The following SLC16A5 variants were observed in gnomAD, a reference collection of about 807,000 sequenced individuals.
The protein encoded by SLC16A5 is solute carrier family 16 member 5, also known as monocarboxylate transporter 6.
SLC16A5 carries 29 observed loss-of-function variants against 33.2 expected under a neutral mutation model. The observed-to-expected ratio is 0.87, with a 90% CI of 0.65 to 1.19. The LOEUF (loss-of-function observed/expected upper bound fraction) is 1.19, where lower values mean the gene tolerates loss of function less well. Ranked by LOEUF, SLC16A5 falls within the 50% of genes most tolerant of loss-of-function variation. SLC16A5 has a pLI of 0.00. For missense variants in SLC16A5, 606 were observed against 678.2 expected, an observed-to-expected ratio of 0.89 and a Z score of 1.18; for synonymous variants, 248 against 284.1, an observed-to-expected ratio of 0.87 and a Z score of 1.28.
At chr17:75,097,017 G>T (rs917246486) in intron 3 of SLC16A5, among the ~76,000 whole-genome samples, 1 of 150,484 alleles carries the variant, frequency 6.6e-6, no homozygotes, top group Non-Finnish European at 1.5e-5. Context: ...GTAGAGATGG[G>T]GTTTCACCAT....
In SLC16A5 at chr17:75,104,225, G is replaced by T; in HGVS notation, c.1364+45G>T. 6 of 1,600,808 alleles carry T rather than the reference G, an allele frequency of 3.7e-6. No homozygotes were observed. The African/African-American group carries it at 4.0e-5, about 11-fold the overall frequency. Reference sequence around the variant, plus strand: ...GACCCAGGGTTCATCTGTGTGACCAGTGTCTGAGTCCTGGGATCACTGAGT... The same window carrying T: ...GACCCAGGGTTCATCTGTGTGACCATTGTCTGAGTCCTGGGATCACTGAGT... On this transcript the variant is annotated intron_variant, in intron 6 of 6. Coordinates refer to ENST00000329783, the MANE Select transcript of SLC16A5 (RefSeq NM_004695.4).
chr17:75,106,010 C>T lies in SLC16A5; in HGVS notation c.1495C>T (p.Leu499=), dbSNP rs772708677. The T allele has an allele frequency of 5.7e-6, 9 of 1,590,080 alleles. No individual in the cohort carries two copies. The Admixed American group carries it at 1.2e-4, about 21-fold the overall frequency. The change falls in exon 7 of 7, where the codon CTG becomes TTG. Residue 499 remains leucine (L), a synonymous_variant. Transcript: ENST00000329783. ...GGTACTGCAGGCCAAGCAAACGGCT[C>T]TGGGCTGGAATAGCCCTACCTGAGT... The part of the protein sequence containing the change: ...KAVLQAKQTA[L]GWNSPT
chr17:75,092,159 G>A (rs1422702311), intron 2 of SLC16A5, among the ~76,000 whole-genome samples: 2 of 152,046 alleles, frequency 1.3e-5, no homozygotes, highest in Non-Finnish European at 2.9e-5. Context: ...GTGTCTCTCT[G>A]TGTTTGTGTG....
At chr17:75,101,050 C>T (rs2073792270) in intron 5 of SLC16A5, among the ~76,000 whole-genome samples, 1 of 151,426 alleles carries the variant, frequency 6.6e-6, no homozygotes, top group Non-Finnish European at 1.5e-5. Context: ...AGATCGAGAC[C>T]ATCCTGGCCA....
intron 2 of SLC16A5, chr17:75,093,162 T>G: frequency 2.0e-6 from 1 of 511,336 alleles, no homozygotes; most frequent in Non-Finnish European, 3.5e-6. Context: ...GGCAGGAGGG[T>G]GTATCCTTGG....
rs74966155 is a variant in SLC16A5 at position 75,093,622 on chromosome 17, C to T, written c.-15C>T. ...CACATTGGCAGTGAGGCCGTGGCAGCGTCGGCAGCAGAGGATGCCCCAGGC... is the reference window on the plus strand; with the variant it reads ...CACATTGGCAGTGAGGCCGTGGCAGTGTCGGCAGCAGAGGATGCCCCAGGC... On this transcript the variant is annotated 5_prime_UTR_variant, in exon 3 of 7. Coordinates refer to ENST00000329783, the MANE Select transcript of SLC16A5 (RefSeq NM_004695.4). 1,805 of 1,602,508 alleles carry T rather than the reference C, an allele frequency of 1.1e-3. 37 individuals carry two copies. In the East Asian group the frequency reaches 0.038, roughly 33 times the overall value.
In SLC16A5 at chr17:75,100,280, C is replaced by T. The variant is rs1312980950; in HGVS notation, c.617C>T (p.Pro206Leu). ...CCTGAGACCAAAGAATGTCCCCCGCCACCTCCCGAGACACCTGCACTTGGC... is the reference window on the plus strand; with the variant it reads ...CCTGAGACCAAAGAATGTCCCCCGCTACCTCCCGAGACACCTGCACTTGGC... ...VAPETKECPP[P>L]PPETPALGCL... The change falls in exon 5 of 7, where the codon CCA (proline) becomes CTA (leucine). Residue 206 changes from proline (P) to leucine (L), a missense_variant. Transcript: ENST00000329783. 6.2e-7 allele frequency: 1 copy of T among 1,614,230 alleles called. No individual in the cohort carries two copies. The highest frequency in any genetic ancestry group is 2.2e-5 in the East Asian group (1 of 44,886).
chr17:75,092,050 T>TGTGTGTGTGTGC (rs1555644943), intron 2 of SLC16A5, among the ~76,000 whole-genome samples: 5 of 151,816 alleles, frequency 3.3e-5, no homozygotes, highest in African/African-American at 7.2e-5. Flanking sequence ...TGTGTGTGTG[T>TGTGTGTGTGTGC]GCACGCATGC....
intron 5 of SLC16A5, among the ~76,000 whole-genome samples, chr17:75,102,285 A>G (rs538617020): frequency 2.6e-5 from 4 of 152,270 alleles, no homozygotes; most frequent in African/African-American, 7.2e-5. Context: ...GTGTGCGTCT[A>G]TAATCCCAGT....
At chr17:75,097,674 GA>G (rs562628310) in intron 3 of SLC16A5, among the ~76,000 whole-genome samples, 49 of 152,266 alleles carry the variant, frequency 3.2e-4, no homozygotes, top group African/African-American at 1.2e-3. Context: ...CCCACCAACA[GA>G]CCCCCAGCGA....
At chr17:75,092,716 C>G (rs1568004005) in intron 2 of SLC16A5, among the ~76,000 whole-genome samples, 1 of 151,378 alleles carries the variant, frequency 6.6e-6, no homozygotes, top group African/African-American at 2.4e-5. Context: ...GTGTGTGTCT[C>G]TGTGTGTGTG....
chr17:75,103,079 T>TG (rs1277725624), intron 5 of SLC16A5, among the ~76,000 whole-genome samples: 4 of 152,098 alleles, frequency 2.6e-5, no homozygotes, highest in Non-Finnish European at 4.4e-5. Flanking sequence ...TTAGTAGAGA[T>TG]GGGGTTTCAC....
intron 5 of SLC16A5, 69 bp downstream of exon 5, chr17:75,100,885 C>G: frequency 7.2e-7 from 1 of 1,384,490 alleles, no homozygotes. Flanking sequence ...AGATCTGGGC[C>G]CAGTCCAGCA....
At chr17:75,109,138 T>TTCCTGATAATC (rs1250215071), downstream of SLC16A5, among the ~76,000 whole-genome samples, 5 of 152,246 alleles carry the variant, frequency 3.3e-5, no homozygotes, top group Non-Finnish European at 4.4e-5. The surrounding 1 kb of genome is among the most constrained non-coding windows in gnomAD (Gnocchi z 5.0). Flanking sequence ...ACACACCCGC[T>TTCCTGATAATC]TCCTGATAAT....
intron 3 of SLC16A5, among the ~76,000 whole-genome samples, chr17:75,096,933 C>G (rs1463262532): frequency 7.0e-6 from 1 of 141,988 alleles, no homozygotes; most frequent in African/African-American, 2.7e-5. Flanking sequence ...TCAAGCGATT[C>G]TCCTGCCTCA....
intron 3 of SLC16A5, 85 bp downstream of exon 3, chr17:75,093,920 T>C: frequency 2.0e-6 from 3 of 1,524,328 alleles, no homozygotes; most frequent in Non-Finnish European, 2.7e-6. Context: ...ATTCCCTCTC[T>C]CTGAGGCCAC....
rs754484954 is a variant in SLC16A5 at position 75,103,992 on chromosome 17, C to A, written c.1176C>A (p.Asn392Lys). The change falls in exon 6 of 7, where the codon AAC becomes AAA. Residue 392 changes from asparagine to lysine, a missense_variant. Asn to Lys is a moderately conservative substitution (Grantham distance 94, BLOSUM62 0). Transcript: ENST00000329783. ...CAGGGTTGCTCCTGGACGCCACCAA[C>A]AACTTTAGCTATGTTTTCTACATGT... is the stretch of plus-strand genomic sequence containing the variant. The part of the protein sequence containing the change: ...PLAGLLLDAT[N>K]NFSYVFYMSS... 1.2e-5 allele frequency: 19 copies of A among 1,614,156 alleles called. No homozygotes were observed. Among genetic ancestry groups the A allele is most frequent in the Non-Finnish European group, 1.5e-5 (18 of 1,180,006 alleles).
chr17:75,107,693 C>A (rs2073873262), downstream of SLC16A5, among the ~76,000 whole-genome samples: 1 of 152,178 alleles, frequency 6.6e-6, no homozygotes, highest in Admixed American at 6.5e-5. Flanking sequence ...AATCCCAGCA[C>A]TTTGGGAGGC....
intron 6 of SLC16A5, chr17:75,105,137 C>G: frequency 2.0e-6 from 2 of 985,296 alleles, no homozygotes; most frequent in Non-Finnish European, 2.4e-6. Context: ...GAGGTCCAGG[C>G]TGAGGAGTTG....
Sources: gnomAD v4.1 joint callset for allele counts (sites outside exome capture counted in the v4.1 genomes callset) on GRCh38, gnomAD v4.1.1 for gene constraint, Gnocchi (gnomAD v3.1) non-coding constraint, MANE v1.5 for transcripts, NCBI Gene and HGNC (gene_info 2026-07-23, HGNC 2026-07-21) for gene names.